Variants in MROH1 observed in about 807,000 individuals in gnomAD.
The protein encoded by MROH1 is maestro heat-like repeat-containing protein family member 1.
Under a neutral mutation model 116.5 loss-of-function variants are expected in MROH1, and 117 were observed. The ratio of observed to expected loss-of-function variants is 1.00; its 90% CI spans 0.86 to 1.17. The LOEUF (loss-of-function observed/expected upper bound fraction) is 1.17. Ranked by LOEUF, MROH1 falls within the 50% of genes most tolerant of loss-of-function variation. MROH1 has a pLI of 0.00. For missense variants in MROH1, 1,873 were observed against 1,338.5 expected, an observed-to-expected ratio of 1.40 and a Z score of -6.23; for synonymous variants, 921 against 583.9, an observed-to-expected ratio of 1.58 and a Z score of -8.32.
At chr8:144,206,260 G>A (rs1332333162) in intron 12 of MROH1, among the ~76,000 whole-genome samples, 1 of 152,214 alleles carries the variant, frequency 6.6e-6, no homozygotes, top group Non-Finnish European at 1.5e-5. Context: ...TGAGTTCCAT[G>A]TAGATGGGCT....
intron 12 of MROH1, among the ~76,000 whole-genome samples, chr8:144,204,001 G>A (rs1832283265): frequency 6.6e-6 from 1 of 152,176 alleles, no homozygotes; most frequent in Non-Finnish European, 1.5e-5. Flanking sequence ...ATGTACAAAT[G>A]CATGTACGCA....
At chr8:144,204,009 G>A (rs1484214035) in intron 12 of MROH1, among the ~76,000 whole-genome samples, 3 of 152,262 alleles carry the variant, frequency 2.0e-5, no homozygotes, top group Non-Finnish European at 2.9e-5. Flanking sequence ...ATGCATGTAC[G>A]CAAGGAAATA....
intron 5 of MROH1, 33 bp downstream of exon 5, chr8:144,179,619 AG>A: frequency 6.3e-7 from 1 of 1,575,528 alleles, no homozygotes; most frequent in Non-Finnish European, 8.6e-7. Flanking sequence ...TCGCAGACTC[AG>A]GCCTAGCTTG....
chr8:144,149,605 C>G (rs1218442786), intron 1 of MROH1, among the ~76,000 whole-genome samples: 3 of 152,120 alleles, frequency 2.0e-5, no homozygotes, highest in Admixed American at 2.0e-4. Context: ...CGTAGCCCCC[C>G]TTTCACAGAG....
At chr8:144,178,942 G>A (rs968987189) in intron 4 of MROH1, among the ~76,000 whole-genome samples, 2 of 152,144 alleles carry the variant, frequency 1.3e-5, no homozygotes, top group East Asian at 1.9e-4. Context: ...TGGACTCTGC[G>A]GAGGGTTAAC....
At chr8:144,203,713 G>GA (rs1832214862) in intron 12 of MROH1, among the ~76,000 whole-genome samples, 1 of 152,154 alleles carries the variant, frequency 6.6e-6, no homozygotes, top group Non-Finnish European at 1.5e-5. Context: ...AAGCATCTGC[G>GA]TCAGCAGCAT....
intron 14 of MROH1, among the ~76,000 whole-genome samples, chr8:144,236,803 T>C (rs1355295000): frequency 1.3e-5 from 2 of 151,214 alleles, no homozygotes; most frequent in African/African-American, 4.8e-5. Context: ...TCAACATCAA[T>C]TGTTTTTAAT....
chr8:144,164,590 A>AT (rs139273833), intron 3 of MROH1, among the ~76,000 whole-genome samples: 1,701 of 151,614 alleles, frequency 0.011, 24 homozygotes, highest in African/African-American at 0.036. Context: ...TAGAGATGAG[A>AT]TTTTGTCATG....
At chr8:144,199,022 G>C in intron 10 of MROH1, 100 bp from the exon 11 acceptor site, 2 of 1,128,952 alleles carry the variant, frequency 1.8e-6, no homozygotes, top group South Asian at 2.7e-5. Context: ...TGGAAACCCA[G>C]AGCCTTCTGC....
chr8:144,248,857 TG>T lies in MROH1; in HGVS notation c.3121-18del. The T allele has an allele frequency of 1.3e-6, 1 of 777,284 alleles. No individual in the cohort carries two copies. The highest frequency in any genetic ancestry group is 1.4e-5 in the South Asian group (1 of 73,492). 48.1% of individuals were successfully genotyped at this position (777,284 alleles called of 1,614,324 possible). A position where few individuals can be genotyped will look rare whatever the true frequency, so the allele number is the denominator to read the frequency against. On this transcript the variant is annotated intron_variant, in intron 31 of 43. Transcript: ENST00000326134. ...GGGGTGCCCCCCTTCCCTCAACCTC[TG>T]GCATCGCCTTCCTCCTAGATTATTG...
chr8:144,175,357 C>T (rs1001448245), intron 4 of MROH1: 42 of 453,986 alleles, frequency 9.3e-5, no homozygotes, highest in Non-Finnish European at 1.1e-4. Flanking sequence ...CTCCCCCCCT[C>T]CCAGCAACAG....
At chr8:144,216,707 T>G (rs1201547350) in intron 12 of MROH1, among the ~76,000 whole-genome samples, 28 of 139,528 alleles carry the variant, frequency 2.0e-4, no homozygotes, top group African/African-American at 7.4e-4. Context: ...TTTTTTTTTT[T>G]GAAATGGAGT....
Position 144,261,197 on chromosome 8 carries a change from T to C in MROH1, c.4755T>C (p.Ala1585=), listed in dbSNP as rs1554835634. The change falls in exon 42 of 44, where the codon GCT becomes GCC. Residue 1585 remains alanine, a synonymous_variant. Coordinates refer to ENST00000326134, the MANE Select transcript of MROH1 (RefSeq NM_032450.3). ...AGAGCAGCTGGGAGAACGTCCGAGC[T>C]GCTGCACCCCTGTTCACCGGTAAGC... The part of the protein sequence containing the change: ...YFKSSWENVR[A]AAPLFTGFLV... 1 of 766,050 alleles carries C rather than the reference T, an allele frequency of 1.3e-6. No homozygotes were observed. The highest frequency in any genetic ancestry group is 2.4e-5 in the East Asian group (1 of 41,236). The allele number at this position is 766,050 out of a possible 1,614,324, so 47.5% of individuals were successfully genotyped here. A position where few individuals can be genotyped will look rare whatever the true frequency, so the allele number is the denominator to read the frequency against.
intron 27 of MROH1, 27 bp downstream of exon 27, chr8:144,244,363 T>C (rs1841522936): frequency 2.8e-6 from 2 of 721,552 alleles, no homozygotes; most frequent in African/African-American, 1.7e-5. Context: ...CTTGCCTGTG[T>C]CCACATCCGT....
In MROH1 at chr8:144,244,220, A is replaced by G. The variant is rs1341340954; in HGVS notation, c.2556-2A>G. On this transcript the variant is annotated splice_acceptor_variant, in intron 26 of 43. Transcript: ENST00000326134. LOFTEE classifies it high-confidence loss of function. ...GTCTGGGGCCCTTAACTTGCCTCTC[A>G]GCTCCGTGGAGCCAGCGCTGGACGA... 1 of 717,576 alleles carries G rather than the reference A, an allele frequency of 1.4e-6. No homozygotes were observed. The highest frequency in any genetic ancestry group is 2.7e-5 in the East Asian group (1 of 37,278). The allele number at this position is 717,576 out of a possible 1,614,324, so 44.5% of individuals were successfully genotyped here.
Position 144,255,704 on chromosome 8 carries a change from A to C in MROH1, c.3790A>C (p.Ser1264Arg). The stretch of plus-strand genomic sequence containing the variant: ...AGCCACCAGGAACCTGGAACCCTGC[A>C]GGTATCTGGGTCCCCACTTCCCACC... ...ALATRNLEPC[S>R]SAVDTLRSML... The change falls in exon 35 of 44, where the codon AGC (serine) becomes CGC (arginine). Residue 1264 changes from serine (S) to arginine (R), a missense_variant and splice_region_variant. Physicochemically the swap from Ser to Arg is moderately radical, Grantham distance 110. Coordinates refer to ENST00000326134, the MANE Select transcript of MROH1 (RefSeq NM_032450.3). 1.3e-6 allele frequency: 1 copy of C among 753,692 alleles called. No individual in the cohort carries two copies. The highest frequency in any genetic ancestry group is 2.5e-6 in the Non-Finnish European group (1 of 405,364). The allele number at this position is 753,692 out of a possible 1,614,324, so 46.7% of individuals were successfully genotyped here.
intron 12 of MROH1, among the ~76,000 whole-genome samples, chr8:144,216,312 A>G (rs1462060224): frequency 2.0e-5 from 3 of 151,340 alleles, no homozygotes; most frequent in Non-Finnish European, 4.4e-5. Context: ...ATCTCTACTA[A>G]AAATACAAAA....
intron 14 of MROH1, among the ~76,000 whole-genome samples, chr8:144,233,726 T>G (rs889507103): frequency 3.9e-5 from 6 of 152,198 alleles, no homozygotes; most frequent in African/African-American, 1.2e-4. Context: ...GCGAAGTGCT[T>G]ATCCCACTTG....
chr8:144,151,918 A>G (rs1397074300), intron 1 of MROH1, among the ~76,000 whole-genome samples: 2 of 152,132 alleles, frequency 1.3e-5, no homozygotes, highest in Admixed American at 1.3e-4. Context: ...AGGGTGGCTG[A>G]GTGTCTCTGT....
Sources: gnomAD v4.1 joint callset for allele counts (sites outside exome capture counted in the v4.1 genomes callset) on GRCh38, gnomAD v4.1.1 for gene constraint, MANE v1.5 for transcripts, NCBI Gene and HGNC (gene_info 2026-07-23, HGNC 2026-07-21) for gene names.